SCAPER: variants seen among roughly 807,000 people sequenced by gnomAD.
The protein encoded by SCAPER is S-phase cyclin A associated protein in the ER, also known as S phase cyclin A-associated protein in the endoplasmic reticulum.
Under a neutral mutation model 182.2 loss-of-function variants are expected in SCAPER, and 98 were observed. The ratio of observed to expected loss-of-function variants is 0.54; its 90% CI spans 0.46 to 0.64. SCAPER has a LOEUF of 0.64. SCAPER is among the 30% of genes least tolerant of loss of function. SCAPER has a pLI of 0.00. For missense variants in SCAPER, 1,432 were observed against 1,690.0 expected, an observed-to-expected ratio of 0.85 and a Z score of 2.68; for synonymous variants, 605 against 564.6, an observed-to-expected ratio of 1.07 and a Z score of -1.01.
intron 5 of SCAPER, among the ~76,000 whole-genome samples, chr15:76,807,889 T>C (rs2066290778): frequency 6.6e-6 from 1 of 152,158 alleles, no homozygotes; most frequent in African/African-American, 2.4e-5. Flanking sequence ...TCCTAAGAAT[T>C]AATACTTTTT....
At chr15:76,722,052 T>C (rs919420918) in intron 17 of SCAPER, among the ~76,000 whole-genome samples, 1 of 152,238 alleles carries the variant, frequency 6.6e-6, no homozygotes, top group Non-Finnish European at 1.5e-5. Context: ...ACTATGATTT[T>C]GGCTGTGGGT....
At chr15:76,447,319 G>A (rs2048069024) in intron 25 of SCAPER, among the ~76,000 whole-genome samples, 1 of 152,186 alleles carries the variant, frequency 6.6e-6, no homozygotes, top group Non-Finnish European at 1.5e-5. Context: ...AAATGTAAGT[G>A]TTTCCTTGAG....
At chr15:76,802,596 T>C (rs969359012) in intron 6 of SCAPER, among the ~76,000 whole-genome samples, 1 of 152,220 alleles carries the variant, frequency 6.6e-6, no homozygotes, top group African/African-American at 2.4e-5. Flanking sequence ...CAACCTATCT[T>C]AGTTTCCCTA....
intron 20 of SCAPER, among the ~76,000 whole-genome samples, chr15:76,671,458 T>C (rs1267133466): frequency 6.6e-6 from 1 of 151,932 alleles, no homozygotes; most frequent in African/African-American, 2.4e-5. Flanking sequence ...CCATACTAAG[T>C]GACAAGGTAT....
At chr15:76,709,208 T>G (rs532984738) in intron 17 of SCAPER, among the ~76,000 whole-genome samples, 1 of 152,310 alleles carries the variant, frequency 6.6e-6, no homozygotes, top group East Asian at 1.9e-4. Context: ...CTCGACTCAC[T>G]GCAACCTCCA....
chr15:76,703,171 T>G (rs748951099), intron 18 of SCAPER, among the ~76,000 whole-genome samples, 169 bp from the exon 19 acceptor site: 11 of 152,248 alleles, frequency 7.2e-5, no homozygotes, highest in Non-Finnish European at 1.5e-5. Context: ...ATCACCCACA[T>G]GAACAGTAAT....
intron 22 of SCAPER, among the ~76,000 whole-genome samples, chr15:76,611,104 G>A (rs911160877): frequency 1.3e-5 from 2 of 151,942 alleles, no homozygotes; most frequent in South Asian, 2.1e-4. Context: ...CCATAAATAA[G>A]CCCACACATT....
chr15:76,802,309 A>C (rs2065857965), intron 6 of SCAPER, among the ~76,000 whole-genome samples: 1 of 152,096 alleles, frequency 6.6e-6, no homozygotes, highest in Non-Finnish European at 1.5e-5. Context: ...TCTCTCTGTA[A>C]ATCTATTCCC....
chr15:76,407,894 T>C (rs944195508), intron 26 of SCAPER, among the ~76,000 whole-genome samples: 2 of 152,116 alleles, frequency 1.3e-5, no homozygotes, highest in African/African-American at 4.8e-5. Flanking sequence ...TCCACACCCA[T>C]CCTGCATAAA....
At chr15:76,735,517 G>C (rs1005876431) in intron 15 of SCAPER, among the ~76,000 whole-genome samples, 2 of 147,124 alleles carry the variant, frequency 1.4e-5, no homozygotes, top group Admixed American at 1.4e-4. Context: ...GGCCAACACA[G>C]TGAAACCTCA....
intron 14 of SCAPER, among the ~76,000 whole-genome samples, chr15:76,756,380 C>G (rs2062434474): frequency 6.6e-6 from 1 of 151,754 alleles, no homozygotes; most frequent in Admixed American, 6.6e-5. Flanking sequence ...AATTTGAGAC[C>G]AGTCTGGGCA....
In SCAPER at chr15:76,601,782, T is replaced by C. The variant is rs558570359; in HGVS notation, c.2711+19982A>G. ...TGTGAAATACCTTATAATAACAAAA[T>C]ATTCCTCATTTTTCCTTCCTATCCC... is the stretch of plus-strand genomic sequence containing the variant. On this transcript the variant is annotated intron_variant, in intron 22 of 31. Coordinates refer to ENST00000563290, the MANE Select transcript of SCAPER (RefSeq NM_020843.4). Among the ~76,000 whole-genome samples the C allele has an allele frequency of 2.5e-4, 30 of 121,472 alleles. 8 individuals carry two copies. The highest frequency in any genetic ancestry group is 4.4e-4 in the Non-Finnish European group (22 of 49,996). The allele number at this position is 121,472 out of a possible 152,430, so 79.7% of individuals were successfully genotyped here.
At chr15:76,862,122 G>A (rs1386292169) in intron 3 of SCAPER, among the ~76,000 whole-genome samples, 1 of 152,076 alleles carries the variant, frequency 6.6e-6, no homozygotes. Context: ...TGGGTGGGGA[G>A]ACAAAGCCTA....
chr15:76,496,831 A>T (rs1221387960), intron 24 of SCAPER, among the ~76,000 whole-genome samples: 2 of 152,216 alleles, frequency 1.3e-5, no homozygotes, highest in African/African-American at 2.4e-5. Flanking sequence ...AAGGCTCTAT[A>T]GCAAAGTCAA....
chr15:76,357,628 C>G (rs2141690856), intron 29 of SCAPER, among the ~76,000 whole-genome samples: 1 of 152,296 alleles, frequency 6.6e-6, no homozygotes, highest in South Asian at 2.1e-4. Flanking sequence ...AAAGGATACT[C>G]ACACGTGTAT....
chr15:76,515,467 A>G (rs2042348763), intron 23 of SCAPER, among the ~76,000 whole-genome samples: 1 of 152,104 alleles, frequency 6.6e-6, no homozygotes, highest in Non-Finnish European at 1.5e-5. Flanking sequence ...TTAAAGTTTG[A>G]AGGTAAAAGA....
intron 24 of SCAPER, among the ~76,000 whole-genome samples, chr15:76,477,451 A>G (rs894210251): frequency 5.9e-5 from 9 of 152,180 alleles, no homozygotes; most frequent in African/African-American, 1.9e-4. Flanking sequence ...CCATGTTTAC[A>G]ACAGCTGCTG....
chr15:76,428,866 C>CTATATATA (rs375991391), intron 26 of SCAPER, among the ~76,000 whole-genome samples: 2,355 of 79,784 alleles, frequency 0.03, 145 homozygotes, highest in African/African-American at 0.043. Context: ...GATCATTATA[C>CTATATATA]TATATATATA....
intron 21 of SCAPER, among the ~76,000 whole-genome samples, chr15:76,649,545 AT>A (rs1372178047): frequency 1.3e-5 from 2 of 151,006 alleles, no homozygotes; most frequent in East Asian, 3.9e-4. Context: ...AAATATATAT[AT>A]ATGCATTTTT....
Sources: gnomAD v4.1 joint callset for allele counts (sites outside exome capture counted in the v4.1 genomes callset) on GRCh38, gnomAD v4.1.1 for gene constraint, MANE v1.5 for transcripts, NCBI Gene and HGNC (gene_info 2026-07-23, HGNC 2026-07-21) for gene names.